NFATC1: variants seen among roughly 807,000 people sequenced by gnomAD.
The protein encoded by NFATC1 is nuclear factor of activated T-cells, cytoplasmic 1.
In NFATC1, 22 loss-of-function variants were observed where a neutral mutation model predicts 76.0. The observed-to-expected ratio is 0.29, with a 90% CI of 0.21 to 0.41. NFATC1 has a LOEUF of 0.41. NFATC1 is among the 10% of genes least tolerant of loss of function. The pLI is 1.00. For missense variants in NFATC1, 1,357 were observed against 1,337.7 expected, an observed-to-expected ratio of 1.01 and a Z score of -0.23; for synonymous variants, 704 against 613.1, an observed-to-expected ratio of 1.15 and a Z score of -2.19.
rs1600700656 is a variant in NFATC1, at chr18:79,433,877, C to T, written c.1386+139C>T. The T allele has an allele frequency of 8.3e-6, 8 of 969,448 alleles. No individual in the cohort carries two copies. The East Asian group carries it at 2.3e-4, about 28-fold the overall frequency. 60.1% of individuals were successfully genotyped at this position (969,448 alleles called of 1,614,324 possible). ...TGTCGTGGTTAGTCCCGGGCGGCTG[C>T]TCACCGCCTCTGAGCTGGAATGGGA... is the stretch of plus-strand genomic sequence containing the variant. On this transcript the variant is annotated intron_variant, in intron 3 of 9. Coordinates refer to ENST00000427363, the MANE Select transcript of NFATC1 (RefSeq NM_001278669.2).
intron 1 of NFATC1, among the ~76,000 whole-genome samples, chr18:79,403,805 T>C (rs1374755268): frequency 2.6e-5 from 4 of 152,248 alleles, no homozygotes; most frequent in African/African-American, 9.6e-5. Context: ...CAAATAGGAT[T>C]TCTCTTCCCC....
chr18:79,480,230 G>A (rs1569013508), intron 8 of NFATC1, among the ~76,000 whole-genome samples: 1 of 152,204 alleles, frequency 6.6e-6, no homozygotes, highest in African/African-American at 2.4e-5. Flanking sequence ...GAGAAGCAGT[G>A]GGCAGGCACA....
In NFATC1 at chr18:79,469,986, T is replaced by G. The variant is rs573016337; in HGVS notation, c.2092+2404T>G. ...ACCTCGAGGCCACTGTCAGTGTGGT[T>G]GTTAAATAAATAATGAATAGAAACC... On this transcript the variant is annotated intron_variant, in intron 8 of 9. Coordinates refer to ENST00000427363, the MANE Select transcript of NFATC1 (RefSeq NM_001278669.2). The G allele has an allele frequency of 6.9e-5, 68 of 985,456 alleles. No homozygotes were observed. The African/African-American group carries it at 1.0e-3, about 15-fold the overall frequency. 61.0% of individuals were successfully genotyped at this position (985,456 alleles called of 1,614,324 possible). A position where few individuals can be genotyped will look rare whatever the true frequency, so the allele number is the denominator to read the frequency against.
At chr18:79,436,565 T>C (rs1476779326) in intron 3 of NFATC1, among the ~76,000 whole-genome samples, 9 of 152,184 alleles carry the variant, frequency 5.9e-5, no homozygotes, top group African/African-American at 2.2e-4. Context: ...GCCCGCTGTC[T>C]CCGTCCTCCC....
At chr18:79,500,943 C>G (rs2089999460) in intron 9 of NFATC1, among the ~76,000 whole-genome samples, 1 of 152,150 alleles carries the variant, frequency 6.6e-6, no homozygotes, top group South Asian at 2.1e-4. Context: ...TGCCAATACT[C>G]CACAAACTCT....
chr18:79,487,092 G>A (rs566199583), intron 9 of NFATC1, among the ~76,000 whole-genome samples, 155 bp downstream of exon 9: 6 of 152,230 alleles, frequency 3.9e-5, no homozygotes, highest in Admixed American at 1.3e-4. Flanking sequence ...TAAAGTGCCC[G>A]TGCGGTGCCA....
At chr18:79,488,523 A>AGT (rs1263513743) in intron 9 of NFATC1, among the ~76,000 whole-genome samples, 1 of 152,094 alleles carries the variant, frequency 6.6e-6, no homozygotes, top group Non-Finnish European at 1.5e-5. Flanking sequence ...GGGCCAGGAC[A>AGT]GTGTTCCGTG....
intron 9 of NFATC1, among the ~76,000 whole-genome samples, chr18:79,526,268 C>T (rs990348057): frequency 2.0e-5 from 3 of 152,242 alleles, no homozygotes; most frequent in Admixed American, 6.5e-5. Flanking sequence ...CACGGAGGGG[C>T]GGGAGCCCGG....
intron 9 of NFATC1, chr18:79,516,000 C>T (rs746371854): frequency 2.0e-5 from 3 of 151,376 alleles, no homozygotes; most frequent in African/African-American, 7.3e-5. Context: ...GCCCGCATGC[C>T]GTCTCGGTGG....
At chr18:79,444,640 A>G (rs1317415895) in intron 3 of NFATC1, among the ~76,000 whole-genome samples, 59 of 152,230 alleles carry the variant, frequency 3.9e-4, no homozygotes, top group Non-Finnish European at 2.9e-5. Context: ...CTGGCAGACC[A>G]CACCAGCGCC....
rs942091423 is a variant in NFATC1, at chr18:79,406,648, T to C, written c.128-3755T>C. On this transcript the variant is annotated intron_variant, in intron 1 of 9. Coordinates refer to ENST00000427363, the MANE Select transcript of NFATC1 (RefSeq NM_001278669.2). ...GTGTATGTAATGTGGCGTTTTTGGC[T>C]AAGGAATATCTTTTGGACAACTTTT... Among the ~76,000 whole-genome samples the C allele has an allele frequency of 1.2e-4, 19 of 152,344 alleles. No homozygotes were observed. In the South Asian group the frequency reaches 1.7e-3, roughly 13 times the overall value.
intron 2 of NFATC1, among the ~76,000 whole-genome samples, chr18:79,416,109 C>G (rs2085867196): frequency 1.3e-5 from 2 of 152,226 alleles, no homozygotes; most frequent in South Asian, 4.1e-4. Flanking sequence ...AAGTTTTGGG[C>G]TGCAATATTG....
intron 9 of NFATC1, chr18:79,495,940 C>A (rs1033696481): frequency 1.3e-5 from 2 of 149,088 alleles, no homozygotes; most frequent in Middle Eastern, 3.2e-3. Flanking sequence ...GTGACGCGGG[C>A]AAGCCGTGAA....
intron 9 of NFATC1, among the ~76,000 whole-genome samples, chr18:79,500,724 T>C (rs920123414): frequency 8.5e-5 from 13 of 152,172 alleles, no homozygotes; most frequent in African/African-American, 3.1e-4. Context: ...ACTATAACCT[T>C]ATGCCAACAG....
At chr18:79,507,452 C>T (rs1325236605) in intron 9 of NFATC1, among the ~76,000 whole-genome samples, 7 of 152,354 alleles carry the variant, frequency 4.6e-5, no homozygotes, top group African/African-American at 1.2e-4. Flanking sequence ...CGGTGTGCAG[C>T]GCTGGCTGGC....
chr18:79,411,534 CGA>C, intron 2 of NFATC1, 33 bp downstream of exon 2: 2 of 1,354,438 alleles, frequency 1.5e-6, no homozygotes, highest in Non-Finnish European at 1.9e-6. Flanking sequence ...GACGGGGAGG[CGA>C]GGGGAGGCGC....
chr18:79,474,461 C>T (rs537155876), intron 8 of NFATC1, among the ~76,000 whole-genome samples: 2 of 148,938 alleles, frequency 1.3e-5, no homozygotes, highest in Non-Finnish European at 3.0e-5. Flanking sequence ...TCACTGTCGA[C>T]GTTGTAAACC....
At chr18:79,440,373 G>A (rs1387299883) in intron 3 of NFATC1, among the ~76,000 whole-genome samples, 3 of 152,224 alleles carry the variant, frequency 2.0e-5, no homozygotes, top group African/African-American at 7.2e-5. Flanking sequence ...ACCCACATTT[G>A]GTGCAGGTGG....
At chr18:79,428,339 G>T (rs2086471181) in intron 2 of NFATC1, among the ~76,000 whole-genome samples, 1 of 152,208 alleles carries the variant, frequency 6.6e-6, no homozygotes, top group African/African-American at 2.4e-5. Flanking sequence ...ATCGTGTAAA[G>T]ATGCAAACAG....
Sources: gnomAD v4.1 joint callset for allele counts (sites outside exome capture counted in the v4.1 genomes callset) on GRCh38, gnomAD v4.1.1 for gene constraint, MANE v1.5 for transcripts, NCBI Gene and HGNC (gene_info 2026-07-23, HGNC 2026-07-21) for gene names.